PARD6B: variants seen among roughly 807,000 people sequenced by gnomAD.
PARD6B encodes the protein par-6 family cell polarity regulator beta, also known as partitioning defective 6 homolog beta.
A neutral mutation model predicts 10.5 loss-of-function variants in PARD6B; 4 were observed. The observed-to-expected ratio is 0.38, with a 90% CI of 0.19 to 0.87. The LOEUF is 0.87. PARD6B is among the 40% of genes least tolerant of loss of function. The pLI is 0.41. For synonymous variants in PARD6B, 169 were observed against 170.4 expected (o/e 0.99, Z 0.07); for missense variants, 396 against 470.6 (o/e 0.84, Z 1.47).
At chr20:50,749,355 A>G (rs1157392029) in intron 2 of PARD6B, among the ~76,000 whole-genome samples, 1 of 151,418 alleles carries the variant, frequency 6.6e-6, no homozygotes, top group Non-Finnish European at 1.5e-5. Context: ...AAAAAAAAAA[A>G]ATATGTAAGA....
At chr20:50,741,945 A>G (rs1462139268) in intron 2 of PARD6B, among the ~76,000 whole-genome samples, 1 of 152,226 alleles carries the variant, frequency 6.6e-6, no homozygotes, top group East Asian at 1.9e-4. Context: ...AATATAAAGT[A>G]TGACATTAAG....
chr20:50,732,608 G>A (rs1042104216), intron 1 of PARD6B, among the ~76,000 whole-genome samples: 4 of 152,120 alleles, frequency 2.6e-5, no homozygotes, highest in Non-Finnish European at 5.9e-5. Context: ...TTCCAAAGGG[G>A]GTTTTGAGCT....
In PARD6B at chr20:50,748,593, T is replaced by A. The variant is rs574487847; in HGVS notation, c.290-1066T>A. On this transcript the variant is annotated intron_variant, in intron 2 of 2. Coordinates refer to ENST00000371610, the MANE Select transcript of PARD6B (RefSeq NM_032521.3). ...TGTTACCGAGGCTGGAGTGCAGTGATCATAGTGCGCTGCAGACCTGAATCC... is the reference window on the plus strand; with the variant it reads ...TGTTACCGAGGCTGGAGTGCAGTGAACATAGTGCGCTGCAGACCTGAATCC... Among the ~76,000 whole-genome samples the A allele has an allele frequency of 9.8e-5, 15 of 152,286 alleles. No homozygotes were observed. The East Asian group carries it at 2.5e-3, about 25-fold the overall frequency.
intron 2 of PARD6B, among the ~76,000 whole-genome samples, chr20:50,748,338 C>T (rs767509100): frequency 5.3e-5 from 8 of 152,164 alleles, no homozygotes; most frequent in Non-Finnish European, 5.9e-5. Context: ...AGCGAGACTC[C>T]GTCTCAAACA....
intron 2 of PARD6B, among the ~76,000 whole-genome samples, chr20:50,749,071 C>T (rs949440819): frequency 2.0e-5 from 3 of 152,104 alleles, no homozygotes; most frequent in Non-Finnish European, 4.4e-5. Context: ...TGGCCAGGTG[C>T]GGTGGCTCAC....
chr20:50,734,509 CTTATTTATTTAT>C (rs200306022), intron 1 of PARD6B, among the ~76,000 whole-genome samples: 8 of 150,602 alleles, frequency 5.3e-5, no homozygotes, highest in East Asian at 1.9e-4. Context: ...CTACACCCAG[CTTATTTATTTAT>C]TTATTTATTT....
At position 50,751,486 on chromosome 20, in the gene PARD6B, G is replaced by A. The variant is rs7273801; in HGVS notation, c.*998G>A. 250,845 of 739,372 alleles carry A rather than the reference G, an allele frequency of 0.34. 45,893 individuals carry two copies. The highest frequency in any genetic ancestry group is 0.63 in the East Asian group (4,739 of 7,494). The allele number at this position is 739,372 out of a possible 1,614,324, so 45.8% of individuals were successfully genotyped here. On this transcript the variant is annotated 3_prime_UTR_variant, in exon 3 of 3. Coordinates refer to ENST00000371610, the MANE Select transcript of PARD6B (RefSeq NM_032521.3). ...TTCTCCTGCCTCAGCCTCCCAAGTA[G>A]CTGGGACTACAGGCGCCTGCCACCA...
chr20:50,750,903 C>A lies in PARD6B; in HGVS notation c.*415C>A. 1.0e-6 allele frequency: 1 copy of A among 975,362 alleles called. No individual in the cohort carries two copies. The highest frequency in any genetic ancestry group is 1.2e-6 in the Non-Finnish European group (1 of 824,214). The allele number at this position is 975,362 out of a possible 1,614,324, so 60.4% of individuals were successfully genotyped here. A position where few individuals can be genotyped will look rare whatever the true frequency, so the allele number is the denominator to read the frequency against. ...TGAAGTCTGATTCTCTCTTGTGGTA[C>A]ATTGGGGACCTCAGCTCTTAAAGGT... On this transcript the variant is annotated 3_prime_UTR_variant, in exon 3 of 3. Coordinates refer to ENST00000371610, the MANE Select transcript of PARD6B (RefSeq NM_032521.3).
chr20:50,750,528 G>A lies in PARD6B; in HGVS notation c.*40G>A, dbSNP rs780241995. The A allele has an allele frequency of 2.0e-5, 32 of 1,582,898 alleles. No homozygotes were observed. Among genetic ancestry groups the A allele is most frequent in the Non-Finnish European group, 2.6e-5 (30 of 1,165,450 alleles). On this transcript the variant is annotated 3_prime_UTR_variant, in exon 3 of 3. Transcript: ENST00000371610. ...TGTTTTCAGAGTGAGGATGCCATGA[G>A]GACTTGTACATTTGGCTAGTTTAAA...
chr20:50,752,382 C>G lies in PARD6B; in HGVS notation c.*1894C>G. On this transcript the variant is annotated 3_prime_UTR_variant, in exon 3 of 3. Coordinates refer to ENST00000371610, the MANE Select transcript of PARD6B (RefSeq NM_032521.3). The stretch of plus-strand genomic sequence containing the variant: ...TTCATGGGATTTCTAGAAACACTGC[C>G]TACACTTTATGAAAACTACATAGTA... 2 of 985,512 alleles carry G rather than the reference C, an allele frequency of 2.0e-6. No individual in the cohort carries two copies. The highest frequency in any genetic ancestry group is 2.4e-6 in the Non-Finnish European group (2 of 829,886). 61.0% of individuals were successfully genotyped at this position (985,512 alleles called of 1,614,324 possible). A position where few individuals can be genotyped will look rare whatever the true frequency, so the allele number is the denominator to read the frequency against.
At chr20:50,731,993 T>A in intron 1 of PARD6B, 141 bp downstream of exon 1, 1 of 557,292 alleles carries the variant, frequency 1.8e-6, no homozygotes, top group Non-Finnish European at 2.7e-6. Flanking sequence ...AGACTGTGGG[T>A]AATAAACTTG....
At chr20:50,745,748 C>T (rs1227983525) in intron 2 of PARD6B, among the ~76,000 whole-genome samples, 1 of 152,178 alleles carries the variant, frequency 6.6e-6, no homozygotes, top group Non-Finnish European at 1.5e-5. Flanking sequence ...CTGAAGCAGT[C>T]CTCTCACCTC....
chr20:50,753,659 AAATG>A lies in PARD6B; in HGVS notation c.*3174_*3177del, dbSNP rs2123711743. ...TTATTATAAAGTGTACATTATCACT[AAATG>A]AACTTCGATTTTAAAAATCAAATTA... On this transcript the variant is annotated 3_prime_UTR_variant, in exon 3 of 3. Transcript: ENST00000371610. The A allele has an allele frequency of 1.3e-6, 1 of 772,146 alleles. No homozygotes were observed. The highest frequency in any genetic ancestry group is 1.3e-4 in the East Asian group (1 of 7,870). The allele number at this position is 772,146 out of a possible 1,614,324, so 47.8% of individuals were successfully genotyped here. A position where few individuals can be genotyped will look rare whatever the true frequency, so the allele number is the denominator to read the frequency against.
At chr20:50,748,659 C>T (rs1229514967) in intron 2 of PARD6B, among the ~76,000 whole-genome samples, 6 of 151,990 alleles carry the variant, frequency 3.9e-5, no homozygotes, top group African/African-American at 1.2e-4. Flanking sequence ...CCCAAGTAGC[C>T]GGGACTCCAG....
At chr20:50,736,756 A>G (rs1394621014) in intron 1 of PARD6B, among the ~76,000 whole-genome samples, 1 of 150,352 alleles carries the variant, frequency 6.7e-6, no homozygotes, top group Non-Finnish European at 1.5e-5. Flanking sequence ...GCTGGAGTAC[A>G]GTGGCATGAT....
In PARD6B at chr20:50,750,092, C is replaced by G; in HGVS notation, c.723C>G (p.Asn241Lys). 3.1e-6 allele frequency: 5 copies of G among 1,614,206 alleles called. No individual in the cohort carries two copies. The highest frequency in any genetic ancestry group is 4.2e-6 in the Non-Finnish European group (5 of 1,180,042). The change falls in exon 3 of 3, where the codon AAC becomes AAG. Residue 241 changes from asparagine (N) to lysine (K), a missense_variant. Asn to Lys is a moderately conservative substitution (Grantham distance 94). Transcript: ENST00000371610. The part of the protein sequence containing the change: ...VTDMMIANSR[N>K]LIITVRPANQ... ...ACATGATGATTGCAAATAGCCGTAA[C>G]CTCATCATAACAGTGAGACCGGCAA...
chr20:50,743,959 G>A (rs1459795298), intron 2 of PARD6B, among the ~76,000 whole-genome samples: 1 of 151,258 alleles, frequency 6.6e-6, no homozygotes, highest in Non-Finnish European at 1.5e-5. Flanking sequence ...CAACAGAAAC[G>A]TGGGTGTCAC....
intron 2 of PARD6B, among the ~76,000 whole-genome samples, chr20:50,748,546 A>C (rs896284473): frequency 2.0e-5 from 3 of 152,202 alleles, no homozygotes; most frequent in Non-Finnish European, 4.4e-5. Context: ...TAAACATGCA[A>C]ATTGCAGGCG....
intron 1 of PARD6B, 111 bp downstream of exon 1, chr20:50,731,963 G>A (rs74401384): frequency 0.061 from 57,041 of 932,388 alleles, 2,013 homozygotes; most frequent in Non-Finnish European, 0.065. Flanking sequence ...CTGCCCCGGG[G>A]TCTGGACGGT....
Sources: gnomAD v4.1 joint callset for allele counts (sites outside exome capture counted in the v4.1 genomes callset) on GRCh38, gnomAD v4.1.1 for gene constraint, MANE v1.5 for transcripts, NCBI Gene and HGNC (gene_info 2026-07-23, HGNC 2026-07-21) for gene names.